LRP1B: variants seen among roughly 807,000 people sequenced by gnomAD.
The protein encoded by LRP1B is LDL receptor related protein 1B.
A neutral mutation model predicts 556.6 loss-of-function variants in LRP1B; 217 were observed. The observed-to-expected ratio is 0.39, with a 90% CI of 0.35 to 0.44. The LOEUF is 0.44. Among genes scored for constraint, LRP1B ranks in the 20% least tolerant of loss-of-function variants. The probability of loss-of-function intolerance (pLI) is 1.00; values close to 1 mark genes in which losing one functional copy is unlikely to be tolerated. For synonymous variants in LRP1B, 2,047 were observed against 1,865.8 expected (o/e 1.10, Z -2.50); for missense variants, 5,053 against 5,620.8 (o/e 0.90, Z 3.23).
chr2:141,793,798 C>T (rs1208779215), intron 2 of LRP1B, among the ~76,000 whole-genome samples: 12 of 151,832 alleles, frequency 7.9e-5, no homozygotes, highest in Non-Finnish European at 1.6e-4. Context: ...ATCTGAGGCA[C>T]TTCTTTGGAA....
chr2:142,071,102 G>C (rs1353360022), intron 1 of LRP1B, among the ~76,000 whole-genome samples: 1 of 151,892 alleles, frequency 6.6e-6, no homozygotes, highest in Non-Finnish European at 1.5e-5. Flanking sequence ...GTGGGTAGGA[G>C]GGGAAATAGA....
chr2:141,956,172 C>A (rs1701246409), intron 1 of LRP1B, among the ~76,000 whole-genome samples: 1 of 152,092 alleles, frequency 6.6e-6, no homozygotes, highest in Admixed American at 6.6e-5. Flanking sequence ...TTCAACTAGG[C>A]CAAACTTTTC....
At chr2:140,899,415 C>T (rs1238093562) in intron 23 of LRP1B, among the ~76,000 whole-genome samples, 1 of 152,128 alleles carries the variant, frequency 6.6e-6, no homozygotes, top group Non-Finnish European at 1.5e-5. Flanking sequence ...TAGCTAGCTG[C>T]TATTTTTATG....
At chr2:141,888,709 A>G (rs950042401) in intron 1 of LRP1B, among the ~76,000 whole-genome samples, 5 of 152,282 alleles carry the variant, frequency 3.3e-5, no homozygotes, top group Admixed American at 2.0e-4. Context: ...AAGCCTAAGG[A>G]GAGGGGATTA....
chr2:140,883,956 A>G lies in LRP1B; in HGVS notation c.4030T>C (p.Trp1344Arg). 6.2e-7 allele frequency: 1 copy of G among 1,613,532 alleles called. No homozygotes were observed. Among genetic ancestry groups the G allele is most frequent in the Non-Finnish European group, 8.5e-7 (1 of 1,179,934 alleles). ...ATCCAGTATATGTTTCCTGCTATCC[A>G]GTCGACTGTCAGGCCTTCTGGAGTA... is the stretch of plus-strand genomic sequence containing the variant. Reference protein sequence around the residue: ...LATPEGLTVDWIAGNIYWIDS... With the variant: ...LATPEGLTVDRIAGNIYWIDS... Residue 1344 changes from tryptophan (W) to arginine (R), a missense_variant, in exon 25 of 91, where the codon TGG becomes CGG. Around this residue, in one of 5 missense-constraint regions of LRP1B, gnomAD observed 3,619 missense variants for 3,931.9 expected, o/e 0.92. Transcript: ENST00000389484.
chr2:141,809,017 C>T (rs56027299), intron 2 of LRP1B, among the ~76,000 whole-genome samples: 4,959 of 152,096 alleles, frequency 0.033, 287 homozygotes, highest in African/African-American at 0.11. Flanking sequence ...TTATCTTTAA[C>T]TTATCTGCTG....
chr2:141,947,006 C>T (rs557227072), intron 1 of LRP1B, among the ~76,000 whole-genome samples: 2 of 151,912 alleles, frequency 1.3e-5, no homozygotes, highest in East Asian at 3.9e-4. Context: ...TTTTTTGTCC[C>T]AAATTTGCAA....
intron 86 of LRP1B, 95 bp downstream of exon 86, chr2:140,270,147 T>G (rs781606949): frequency 2.3e-6 from 2 of 864,016 alleles, no homozygotes; most frequent in Non-Finnish European, 3.9e-6. Context: ...AACACTCATT[T>G]AAAATTACCC....
chr2:141,944,206 T>C (rs1700893145), intron 1 of LRP1B, among the ~76,000 whole-genome samples: 2 of 152,294 alleles, frequency 1.3e-5, no homozygotes, highest in African/African-American at 4.8e-5. Flanking sequence ...GCTGGCATTG[T>C]TTAGAATTCC....
chr2:140,562,433 T>C (rs1680963868), intron 43 of LRP1B, among the ~76,000 whole-genome samples: 1 of 152,168 alleles, frequency 6.6e-6, no homozygotes, highest in African/African-American at 2.4e-5. Flanking sequence ...TGTCTTACTG[T>C]GTGAGATTTG....
rs150698059 is a variant in LRP1B at position 140,384,994 on chromosome 2, G to A, written c.10531+899C>T. On this transcript the variant is annotated intron_variant, in intron 67 of 90. Transcript: ENST00000389484. ...AGGCCGAGTGTGGCAGCTCACGCCTGTCATCCCCACACTTTGGGAGGCCAG... is the reference window on the plus strand; with the variant it reads ...AGGCCGAGTGTGGCAGCTCACGCCTATCATCCCCACACTTTGGGAGGCCAG... 2.6e-4 allele frequency among the ~76,000 whole-genome samples: 39 copies of A among 152,292 alleles called. 3 individuals carry two copies. Among genetic ancestry groups the A allele is most frequent in the East Asian group, 7.7e-4 (4 of 5,172 alleles).
chr2:141,491,918 G>A (rs1237498244), intron 2 of LRP1B, among the ~76,000 whole-genome samples: 1 of 151,888 alleles, frequency 6.6e-6, no homozygotes, highest in Admixed American at 6.6e-5. Flanking sequence ...AAAGTTAGAT[G>A]CAGGTCCCCA....
intron 85 of LRP1B, among the ~76,000 whole-genome samples, chr2:140,273,091 A>AG (rs1269204011): frequency 6.6e-6 from 1 of 151,818 alleles, no homozygotes; most frequent in Non-Finnish European, 1.5e-5. Flanking sequence ...AGCTTTTCCA[A>AG]GGTAAAATGG....
intron 52 of LRP1B, among the ~76,000 whole-genome samples, chr2:140,509,448 A>AT (rs2104914734): frequency 6.6e-6 from 1 of 152,132 alleles, no homozygotes; most frequent in South Asian, 2.1e-4. Context: ...TATCCATACT[A>AT]TTTTTACATG....
chr2:140,596,421 C>G (rs1167526401), intron 43 of LRP1B, among the ~76,000 whole-genome samples: 2 of 152,114 alleles, frequency 1.3e-5, no homozygotes, highest in Middle Eastern at 3.2e-3. Flanking sequence ...TACTGATGTT[C>G]TTAAAATGTG....
intron 2 of LRP1B, among the ~76,000 whole-genome samples, chr2:141,774,417 G>T (rs1694993573): frequency 6.6e-6 from 1 of 152,096 alleles, no homozygotes; most frequent in African/African-American, 2.4e-5. Context: ...TAAATGGCCA[G>T]ATCTTGTGTG....
chr2:141,572,415 G>A lies in LRP1B; in HGVS notation c.206-91882C>T, dbSNP rs1278138195. ...TGTTGCCACCAGGCCTGCCCTGCAAGAGATCCTGAAAGAAGCACTAAATAT... is the reference window on the plus strand; with the variant it reads ...TGTTGCCACCAGGCCTGCCCTGCAAAAGATCCTGAAAGAAGCACTAAATAT... On this transcript the variant is annotated intron_variant, in intron 2 of 90. Transcript: ENST00000389484. Among the ~76,000 whole-genome samples, 5 of 152,270 alleles carry A rather than the reference G, an allele frequency of 3.3e-5. No homozygotes were observed. In the South Asian group the frequency reaches 8.3e-4, roughly 25 times the overall value.
intron 1 of LRP1B, among the ~76,000 whole-genome samples, chr2:141,851,443 AT>A (rs1697853638): frequency 6.6e-6 from 1 of 151,818 alleles, no homozygotes; most frequent in Non-Finnish European, 1.5e-5. Context: ...ACTCAGGAAT[AT>A]TTTTATTAGG....
intron 32 of LRP1B, among the ~76,000 whole-genome samples, chr2:140,792,609 C>T (rs1055458730): frequency 7.2e-5 from 11 of 151,860 alleles, no homozygotes; most frequent in Non-Finnish European, 1.2e-4. Context: ...AAATGAGAAA[C>T]GGTCTTAGAA....
Sources: allele counts gnomAD v4.1 joint callset (sites outside exome capture counted in the v4.1 genomes callset), GRCh38; gene constraint gnomAD v4.1.1; regional missense constraint gnomAD v4.1.1; transcripts MANE v1.5; gene names NCBI Gene and HGNC (gene_info 2026-07-23, HGNC 2026-07-21).